Variants in CTIF observed in about 807,000 individuals in gnomAD.
The protein encoded by CTIF is cap binding complex dependent translation initiation factor.
In CTIF, 21 loss-of-function variants were observed where a neutral mutation model predicts 66.0. That is an observed-to-expected ratio of 0.32 (90% confidence interval 0.23 to 0.46). CTIF has a LOEUF of 0.46. Ranked by LOEUF, CTIF falls within the 20% of genes least tolerant of loss-of-function variation. CTIF has a pLI of 1.00. For synonymous variants in CTIF, 345 were observed against 326.4 expected (o/e 1.06, Z -0.62); for missense variants, 739 against 812.7 (o/e 0.91, Z 1.10).
chr18:48,636,671 GC>G lies in CTIF; in HGVS notation c.245del (p.Pro82HisfsTer77). On this transcript the variant is annotated frameshift_variant, in exon 3 of 12. Coordinates refer to ENST00000256413, the MANE Select transcript of CTIF (RefSeq NM_014772.3). LOFTEE classifies it high-confidence loss of function. ...DSSCSFSRGRAPPQQNGSKDN... is the reference protein window; with the variant it reads ...DSSCSFSRGRXPPQQNGSKDN... ...CAGCTGTTCCTTCTCCCGAGGGCGA[GC>G]CCCCCCACAGCAGGTAGGGAACCAG... The G allele has an allele frequency of 3.8e-6, 6 of 1,599,492 alleles. No homozygotes were observed. The highest frequency in any genetic ancestry group is 1.7e-4 in the Middle Eastern group (1 of 6,000).
chr18:48,808,351 T>C (rs1360286442), intron 9 of CTIF, among the ~76,000 whole-genome samples: 2 of 152,230 alleles, frequency 1.3e-5, no homozygotes, highest in Admixed American at 6.5e-5. Context: ...ACACTATTTA[T>C]ATATTAAGAC....
At chr18:48,798,924 A>G (rs1184911876) in intron 9 of CTIF, among the ~76,000 whole-genome samples, 2 of 152,196 alleles carry the variant, frequency 1.3e-5, no homozygotes, top group African/African-American at 2.4e-5. Context: ...CCAAGAACCA[A>G]TGAGCCGACC....
At chr18:48,826,341 C>T (rs1232531922) in intron 10 of CTIF, 2 of 152,218 alleles carry the variant, frequency 1.3e-5, no homozygotes, top group African/African-American at 4.8e-5. Context: ...ACGGGGCATC[C>T]AAGGCCTCCA....
chr18:48,834,050 CCCGTTCTCTT>C (rs1020886144), intron 10 of CTIF, among the ~76,000 whole-genome samples: 2 of 151,410 alleles, frequency 1.3e-5, no homozygotes, highest in African/African-American at 4.8e-5. Context: ...CCCCTCCCCT[CCCGTTCTCTT>C]CCTTTCCCTT....
chr18:48,791,923 A>C (rs2067801998), intron 9 of CTIF, among the ~76,000 whole-genome samples: 1 of 152,070 alleles, frequency 6.6e-6, no homozygotes. Context: ...AACTTTGTTC[A>C]TTCAACACTC....
chr18:48,577,355 C>T (rs556488650), intron 1 of CTIF, among the ~76,000 whole-genome samples: 6 of 152,276 alleles, frequency 3.9e-5, no homozygotes, highest in East Asian at 3.9e-4. Flanking sequence ...TGCTGAGATG[C>T]GCCGTTCCTT....
chr18:48,594,999 T>C (rs2089963996), intron 1 of CTIF, among the ~76,000 whole-genome samples: 1 of 152,072 alleles, frequency 6.6e-6, no homozygotes, highest in African/African-American at 2.4e-5. Context: ...GTGAGCTGAG[T>C]GGTGCCAAGT....
At chr18:48,566,695 A>T (rs1317526322) in intron 1 of CTIF, 1 of 152,188 alleles carries the variant, frequency 6.6e-6, no homozygotes, top group Non-Finnish European at 1.5e-5. Context: ...CAGAGGTGAC[A>T]GCTAGAAAAG....
At chr18:48,586,337 C>T (rs796707290) in intron 1 of CTIF, among the ~76,000 whole-genome samples, 20 of 149,318 alleles carry the variant, frequency 1.3e-4, no homozygotes, top group African/African-American at 4.7e-4. Flanking sequence ...AGTGCAGTGG[C>T]TCAATCTTAG....
At chr18:48,725,859 C>T (rs2092381984) in intron 7 of CTIF, among the ~76,000 whole-genome samples, 2 of 152,076 alleles carry the variant, frequency 1.3e-5, no homozygotes, top group Admixed American at 1.3e-4. Context: ...GAGGCAAACC[C>T]ACATTTTGCC....
intron 10 of CTIF, among the ~76,000 whole-genome samples, chr18:48,833,870 G>A (rs76012792): frequency 6.6e-6 from 1 of 152,104 alleles, no homozygotes; most frequent in Non-Finnish European, 1.5e-5. Context: ...TTGGTCAGAG[G>A]GGCCTTCCAG....
chr18:48,639,991 T>G (rs1464442294), intron 3 of CTIF, among the ~76,000 whole-genome samples: 1 of 152,192 alleles, frequency 6.6e-6, no homozygotes, highest in Non-Finnish European at 1.5e-5. Context: ...GAAAGCCCCA[T>G]GTAGCTGGCC....
intron 9 of CTIF, among the ~76,000 whole-genome samples, chr18:48,772,419 C>T (rs186143575): frequency 2.2e-4 from 33 of 148,148 alleles, no homozygotes; most frequent in Non-Finnish European, 3.5e-4. Flanking sequence ...GACCATCCCC[C>T]GGCACCCCAC....
intron 6 of CTIF, among the ~76,000 whole-genome samples, chr18:48,681,819 C>G (rs1001363019): frequency 4.0e-5 from 6 of 151,874 alleles, no homozygotes; most frequent in Non-Finnish European, 8.8e-5. Context: ...GTGTTTCACT[C>G]TTGTCACCCA....
At chr18:48,644,154 A>C (rs2090984019) in intron 3 of CTIF, among the ~76,000 whole-genome samples, 1 of 152,150 alleles carries the variant, frequency 6.6e-6, no homozygotes, top group Admixed American at 6.5e-5. Flanking sequence ...TTCCTGCATG[A>C]GGAATTGCCT....
rs2092595634 is a variant in CTIF, at chr18:48,746,261, G to A, written c.585-11658G>A. 3.9e-5 allele frequency among the ~76,000 whole-genome samples: 6 copies of A among 152,002 alleles called. No individual in the cohort carries two copies. In the South Asian group the frequency reaches 1.2e-3, roughly 32 times the overall value. Reference sequence around the variant, plus strand: ...AGCTTGGGCTGTTACCTGTTTTCCAGCCCCCAGGCACACCCATGACACCTG... The same window carrying A: ...AGCTTGGGCTGTTACCTGTTTTCCAACCCCCAGGCACACCCATGACACCTG... On this transcript the variant is annotated intron_variant, in intron 7 of 11. Transcript: ENST00000256413.
chr18:48,554,270 G>A (rs576057181), intron 1 of CTIF, among the ~76,000 whole-genome samples: 2 of 152,324 alleles, frequency 1.3e-5, no homozygotes, highest in South Asian at 2.1e-4. Context: ...GGCCAAGTTC[G>A]CATACCAGGC....
At chr18:48,575,548 T>A (rs959965490) in intron 1 of CTIF, among the ~76,000 whole-genome samples, 6 of 152,230 alleles carry the variant, frequency 3.9e-5, no homozygotes, top group African/African-American at 1.4e-4. Flanking sequence ...AGAGTTGCGG[T>A]GTCAGGACCT....
chr18:48,594,074 C>G (rs1183449875), intron 1 of CTIF, among the ~76,000 whole-genome samples: 5 of 145,424 alleles, frequency 3.4e-5, no homozygotes, highest in African/African-American at 1.2e-4. Flanking sequence ...CCCCTCCTAT[C>G]TGCCCCCTTC....
Sources: gnomAD v4.1 joint callset for allele counts (sites outside exome capture counted in the v4.1 genomes callset) on GRCh38, gnomAD v4.1.1 for gene constraint, MANE v1.5 for transcripts, NCBI Gene and HGNC (gene_info 2026-07-23, HGNC 2026-07-21) for gene names.